The following OR7D2 variants were observed in gnomAD, a reference collection of about 807,000 sequenced individuals.
OR7D2 encodes the protein olfactory receptor family 7 subfamily D member 2.
For missense variants in OR7D2, 370 were observed against 384.1 expected, an observed-to-expected ratio of 0.96 and a Z score of 0.31; for synonymous variants, 158 against 158.7, an observed-to-expected ratio of 1.00 and a Z score of 0.03.
intron 2 of OR7D2, among the ~76,000 whole-genome samples, chr19:9,185,105 C>CGAGT (rs2145982386): frequency 6.6e-6 from 1 of 152,118 alleles, no homozygotes; most frequent in African/African-American, 2.4e-5. Flanking sequence ...GTCTAGAGAT[C>CGAGT]CAGTGTACCC....
Position 9,186,081 on chromosome 19 carries a change from G to A in OR7D2, c.300G>A (p.Gln100=), listed in dbSNP as rs764408939. 4 of 1,614,050 alleles carry A rather than the reference G, an allele frequency of 2.5e-6. No homozygotes were observed. In the East Asian group the frequency reaches 6.7e-5, roughly 27 times the overall value. ...TCTCCTACATGGACTGCCTCACACA[G>A]GTCTATTTCTCCATGTTTTTTCCTA... The part of the protein sequence containing the change: ...KAISYMDCLT[Q]VYFSMFFPIL... Residue 100 remains glutamine, a synonymous_variant, in exon 3 of 3, where the codon CAG becomes CAA. Transcript: ENST00000641288.
chr19:9,179,557 G>A (rs902814871), intron 1 of OR7D2, among the ~76,000 whole-genome samples: 2 of 144,778 alleles, frequency 1.4e-5, no homozygotes, highest in Non-Finnish European at 3.1e-5. Context: ...AAAAAAAAAA[G>A]ATTCTATTGC....
rs564923565 is a variant in OR7D2, at chr19:9,182,393, C to A, written c.-14+1605C>A. 4.6e-4 allele frequency: 138 copies of A among 300,658 alleles called. 1 individual carries two copies. The highest frequency in any genetic ancestry group is 2.4e-3 in the Middle Eastern group (2 of 834). 18.6% of individuals were successfully genotyped at this position (300,658 alleles called of 1,614,324 possible). A position where few individuals can be genotyped will look rare whatever the true frequency, so the allele number is the denominator to read the frequency against. ...AACAATCTAGGAAGTTCGCAGCCATCAGCAGTTCTAGTGCAATTTCAGGCG... is the reference window on the plus strand; with the variant it reads ...AACAATCTAGGAAGTTCGCAGCCATAAGCAGTTCTAGTGCAATTTCAGGCG... On this transcript the variant is annotated intron_variant, in intron 2 of 2. Transcript: ENST00000641288.
intron 2 of OR7D2, chr19:9,182,946 G>A: frequency 6.6e-6 from 3 of 453,854 alleles, no homozygotes; most frequent in South Asian, 2.3e-5. Context: ...GTTAATGCAC[G>A]TTCTTTTTTG....
rs773122959 is a variant in OR7D2, at chr19:9,186,670, G to T, written c.889G>T (p.Val297Leu). The change falls in exon 3 of 3, where the codon GTG becomes TTG. Residue 297 changes from valine (V) to leucine (L), a missense_variant. By Grantham distance (32) the Val-to-Leu change is conservative. Coordinates refer to ENST00000641288, the MANE Select transcript of OR7D2 (RefSeq NM_175883.4). Reference protein sequence around the residue: ...PFIYSLRNKDVKGALGSLLSR... With the variant: ...PFIYSLRNKDLKGALGSLLSR... ...CATCTACAGCCTGAGGAACAAGGAT[G>T]TGAAGGGAGCCCTGGGGAGTCTCCT... The T allele has an allele frequency of 6.2e-7, 1 of 1,614,100 alleles. No homozygotes were observed. Among genetic ancestry groups the T allele is most frequent in the Non-Finnish European group, 8.5e-7 (1 of 1,179,996 alleles).
intron 2 of OR7D2, chr19:9,183,165 C>T: frequency 5.8e-6 from 1 of 172,840 alleles, no homozygotes. Flanking sequence ...CCAAGGCCGC[C>T]CCACCCCGCC....
intron 2 of OR7D2, 122 bp from the exon 3 acceptor site, chr19:9,185,647 A>C (rs1459383876): frequency 1.8e-6 from 1 of 571,358 alleles, no homozygotes; most frequent in Admixed American, 3.3e-5. Context: ...GCAGTGGTGT[A>C]AACATAGCTC....
chr19:9,180,891 G>A (rs376930859), intron 2 of OR7D2, 103 bp downstream of exon 2: 124 of 152,246 alleles, frequency 8.1e-4, no homozygotes, highest in South Asian at 6.4e-3. Context: ...TTAGGAGGCT[G>A]AGGCGGGTGG....
At chr19:9,184,897 G>T (rs572725891) in intron 2 of OR7D2, among the ~76,000 whole-genome samples, 1 of 152,226 alleles carries the variant, frequency 6.6e-6, no homozygotes, top group South Asian at 2.1e-4. Context: ...GATGAATCTG[G>T]AGGCCATTAT....
At chr19:9,180,002 T>TA (rs111281985) in intron 1 of OR7D2, among the ~76,000 whole-genome samples, 65,314 of 145,514 alleles carry the variant, frequency 0.45, 15,815 homozygotes, top group African/African-American at 0.68. Flanking sequence ...AAACTCCGTC[T>TA]AAAAAAAAAA....
intron 2 of OR7D2, among the ~76,000 whole-genome samples, chr19:9,185,098 T>A (rs977716351): frequency 6.6e-6 from 1 of 152,110 alleles, no homozygotes; most frequent in African/African-American, 2.4e-5. Flanking sequence ...TAAACGAGTC[T>A]AGAGATCCAG....
rs926290000 is a variant in OR7D2 at position 9,188,238 on chromosome 19, C to T, written c.*1518C>T. ...TCCTGAGTAGCTGGGACTACAGGCA[C>T]CTGCCACCCCACCCAGCTAATTCTT... On this transcript the variant is annotated 3_prime_UTR_variant, in exon 3 of 3. Coordinates refer to ENST00000641288, the MANE Select transcript of OR7D2 (RefSeq NM_175883.4). 3 of 152,212 alleles carry T rather than the reference C, an allele frequency of 2.0e-5. No individual in the cohort carries two copies. Among genetic ancestry groups the T allele is most frequent in the African/African-American group, 7.2e-5 (3 of 41,386 alleles). 9.4% of individuals were successfully genotyped at this position (152,212 alleles called of 1,614,324 possible).
rs1450694015 is a variant in OR7D2 at position 9,186,654 on chromosome 19, C to T, written c.873C>T (p.Ser291=). ...CCATGTTGAACCCCTTCATCTACAGCCTGAGGAACAAGGATGTGAAGGGAG... is the reference window on the plus strand; with the variant it reads ...CCATGTTGAACCCCTTCATCTACAGTCTGAGGAACAAGGATGTGAAGGGAG... The part of the protein sequence containing the change: ...VTPMLNPFIY[S]LRNKDVKGAL... Residue 291 remains serine (S), a synonymous_variant, in exon 3 of 3, where the codon AGC becomes AGT. Transcript: ENST00000641288. 1 of 1,614,066 alleles carries T rather than the reference C, an allele frequency of 6.2e-7. No homozygotes were observed. Among genetic ancestry groups the T allele is most frequent in the South Asian group, 1.1e-5 (1 of 91,076 alleles).
intron 1 of OR7D2, among the ~76,000 whole-genome samples, chr19:9,179,609 G>A (rs2050976635): frequency 6.6e-6 from 1 of 151,760 alleles, no homozygotes; most frequent in African/African-American, 2.4e-5. Context: ...CTTTCATTCT[G>A]GAAACTAGTG....
chr19:9,184,513 T>A (rs1255293172), intron 2 of OR7D2, among the ~76,000 whole-genome samples: 2 of 150,520 alleles, frequency 1.3e-5, no homozygotes, highest in Non-Finnish European at 2.9e-5. Context: ...AAATTTAAAA[T>A]AAAAAGAAAT....
chr19:9,185,773 A>G lies in OR7D2; in HGVS notation c.-9A>G, dbSNP rs780757748. 7 of 1,556,666 alleles carry G rather than the reference A, an allele frequency of 4.5e-6. No individual in the cohort carries two copies. The highest frequency in any genetic ancestry group is 2.5e-5 in the South Asian group (2 of 80,694). On this transcript the variant is annotated 5_prime_UTR_variant, in exon 3 of 3. Coordinates refer to ENST00000641288, the MANE Select transcript of OR7D2 (RefSeq NM_175883.4). ...TAATGACCTCTTCTTTTGTAGATAC[A>G]TCAGCTACATGGAAGCAGGAAACCA...
At chr19:9,182,421 A>C (rs1180630105) in intron 2 of OR7D2, 5 of 322,440 alleles carry the variant, frequency 1.6e-5, no homozygotes, top group Non-Finnish European at 2.9e-5. Flanking sequence ...TTCAGGCGCA[A>C]CTGGGAATTC....
Sources: allele counts gnomAD v4.1 joint callset (sites outside exome capture counted in the v4.1 genomes callset), GRCh38; gene constraint gnomAD v4.1.1; transcripts MANE v1.5; gene names NCBI Gene and HGNC (gene_info 2026-07-23, HGNC 2026-07-21).